The following TDRD12 variants were observed in gnomAD, a reference collection of about 807,000 sequenced individuals.
TDRD12 encodes the protein putative ATP-dependent RNA helicase TDRD12.
Under a neutral mutation model 133.5 loss-of-function variants are expected in TDRD12, and 158 were observed. The observed-to-expected ratio is 1.18, with a 90% CI of 1.04 to 1.35. The LOEUF is 1.35. TDRD12 is among the 40% of genes most tolerant of loss of function. The probability of loss-of-function intolerance (pLI) is 0.00; values close to 1 mark genes in which losing one functional copy is unlikely to be tolerated. For synonymous variants in TDRD12, 460 were observed against 477.9 expected, an observed-to-expected ratio of 0.96 and a Z score of 0.49; for missense variants, 1,443 against 1,321.3, an observed-to-expected ratio of 1.09 and a Z score of -1.43.
chr19:32,814,835 C>T (rs1327312991), intron 25 of TDRD12, among the ~76,000 whole-genome samples: 1 of 152,146 alleles, frequency 6.6e-6, no homozygotes, highest in Non-Finnish European at 1.5e-5. Context: ...CTGGGGTTCA[C>T]CTAGGAAGGG....
intron 22 of TDRD12, among the ~76,000 whole-genome samples, chr19:32,809,355 C>T (rs1431214582): frequency 6.6e-6 from 1 of 152,200 alleles, no homozygotes. Context: ...CTTGCCTCTT[C>T]TAGAGCTCTC....
In TDRD12 at chr19:32,819,328, A is replaced by AG. The variant is rs1555778477; in HGVS notation, c.3383+1171_3383+1172insG. ...AGACCTTGTCTCAAAAAAAAAAAAA[A>AG]TGACAAAGATAAACATAGTATGATC... On this transcript the variant is annotated intron_variant, in intron 27 of 27. Transcript: ENST00000444215. Among the ~76,000 whole-genome samples, 6 of 151,700 alleles carry AG rather than the reference A, an allele frequency of 4.0e-5. 1 individual carries two copies. Among genetic ancestry groups the AG allele is most frequent in the African/African-American group, 1.5e-4 (6 of 41,300 alleles).
chr19:32,800,429 C>A, intron 17 of TDRD12, 71 bp downstream of exon 17: 2 of 1,196,820 alleles, frequency 1.7e-6, no homozygotes, highest in Non-Finnish European at 2.2e-6. Flanking sequence ...CTGATGAACA[C>A]AAGCAAGTAA....
At chr19:32,739,126 C>A in intron 3 of TDRD12, 134 bp downstream of exon 3, 1 of 1,113,032 alleles carries the variant, frequency 9.0e-7, no homozygotes, top group Non-Finnish European at 1.3e-6. Flanking sequence ...CTTTAGCTTC[C>A]AGAAGGGGTG....
intron 14 of TDRD12, among the ~76,000 whole-genome samples, chr19:32,795,585 T>C (rs1363005231): frequency 6.6e-6 from 1 of 152,058 alleles, no homozygotes; most frequent in African/African-American, 2.4e-5. Context: ...ATTTCCTAGC[T>C]CCCCACCCTG....
chr19:32,791,787 CCCATGAACAGGGCCTGCTTGCCTCCCTG>C (rs895406479), intron 13 of TDRD12, among the ~76,000 whole-genome samples: 4 of 152,090 alleles, frequency 2.6e-5, no homozygotes, highest in African/African-American at 7.2e-5. Context: ...TTGGAATTCT[CCCATGAACAGGGCCTGCTTGCCTCCCTG>C]CCTTTCTGCA....
Position 32,744,222 on chromosome 19 carries a change from C to T in TDRD12, c.440+1322C>T, listed in dbSNP as rs142170354. On this transcript the variant is annotated intron_variant, in intron 4 of 27. Coordinates refer to ENST00000444215, the Ensembl canonical transcript of TDRD12. ...CCGTAAGTATATGGATGAATCTGAC[C>T]GGGCCTGGTGGCTCATGCCTGTAAG... Among the ~76,000 whole-genome samples the T allele has an allele frequency of 4.3e-3, 649 of 151,856 alleles. 4 individuals are homozygous for T. Among genetic ancestry groups the T allele is most frequent in the African/African-American group, 0.014 (599 of 41,440 alleles).
intron 8 of TDRD12, among the ~76,000 whole-genome samples, chr19:32,762,637 G>C (rs1054894711): frequency 6.6e-6 from 1 of 152,160 alleles, no homozygotes; most frequent in Admixed American, 6.6e-5. Context: ...CTCAACAGCG[G>C]GGCCAAGAAG....
At chr19:32,796,717 C>T (rs866319310) in intron 14 of TDRD12, among the ~76,000 whole-genome samples, 8 of 152,270 alleles carry the variant, frequency 5.3e-5, no homozygotes, top group Middle Eastern at 6.8e-3. Flanking sequence ...ATATTGAGGC[C>T]GAACCCAGGC....
intron 11 of TDRD12, among the ~76,000 whole-genome samples, chr19:32,786,501 A>C (rs539704399): frequency 6.6e-6 from 1 of 152,320 alleles, no homozygotes; most frequent in East Asian, 1.9e-4. Context: ...TCTCCTGGAT[A>C]ATATCCTGAA....
At chr19:32,807,493 A>T (rs1004767970) in intron 21 of TDRD12, 56 bp from the exon 22 acceptor site, 3 of 1,264,540 alleles carry the variant, frequency 2.4e-6, no homozygotes, top group Admixed American at 3.1e-5. Context: ...AAAGCGTTAA[A>T]ATTCACATTA....
chr19:32,741,239 G>A (rs906445057), intron 3 of TDRD12, among the ~76,000 whole-genome samples: 4 of 152,142 alleles, frequency 2.6e-5, no homozygotes, highest in Admixed American at 6.5e-5. Context: ...GTGCCACCAC[G>A]TCCAGCTAAT....
downstream of TDRD12, among the ~76,000 whole-genome samples, chr19:32,825,043 C>T (rs981886742): frequency 1.3e-5 from 2 of 152,206 alleles, no homozygotes; most frequent in African/African-American, 2.4e-5. This position sits in a 1 kb window ranked among gnomAD's most constrained non-coding sequence, Gnocchi z 4.1. Context: ...GGATCAGTCC[C>T]AGCTCTGTGA....
chr19:32,754,125 G>T (rs1969920439), intron 6 of TDRD12, among the ~76,000 whole-genome samples: 3 of 152,034 alleles, frequency 2.0e-5, no homozygotes, highest in African/African-American at 7.2e-5. Flanking sequence ...TCACATCCTG[G>T]TTCATTTTAC....
intron 2 of TDRD12, among the ~76,000 whole-genome samples, chr19:32,734,185 G>A (rs940995767): frequency 7.2e-5 from 11 of 151,838 alleles, no homozygotes; most frequent in Non-Finnish European, 1.5e-4. Context: ...GTGAGCCACC[G>A]CGCCTGGCCT....
chr19:32,737,262 G>A (rs1832256765), intron 2 of TDRD12, among the ~76,000 whole-genome samples: 1 of 152,130 alleles, frequency 6.6e-6, no homozygotes, highest in Non-Finnish European at 1.5e-5. Flanking sequence ...GGAGTGTAGT[G>A]GCGCGATCTT....
chr19:32,764,017 CTG>C (rs1330914695), intron 8 of TDRD12, among the ~76,000 whole-genome samples: 1 of 150,732 alleles, frequency 6.6e-6, no homozygotes, highest in East Asian at 2.0e-4. Context: ...CGACTGGAAA[CTG>C]GAAATTACAC....
intron 4 of TDRD12, among the ~76,000 whole-genome samples, chr19:32,744,695 T>C (rs1197276944): frequency 6.6e-6 from 1 of 152,036 alleles, no homozygotes; most frequent in Non-Finnish European, 1.5e-5. Flanking sequence ...GCGGGCGCCA[T>C]GTCTGCTGTC....
At chr19:32,730,738 G>C (rs1969024838) in intron 1 of TDRD12, among the ~76,000 whole-genome samples, 1 of 152,136 alleles carries the variant, frequency 6.6e-6, no homozygotes, top group African/African-American at 2.4e-5. Context: ...GTTCTTGGCT[G>C]GGCGCGGTGG....
Sources: allele counts gnomAD v4.1 joint callset (sites outside exome capture counted in the v4.1 genomes callset), GRCh38; gene constraint gnomAD v4.1.1; non-coding constraint Gnocchi (gnomAD v3.1); transcripts MANE v1.5; gene names NCBI Gene and HGNC (gene_info 2026-07-23, HGNC 2026-07-21).